Variants in ERBB4 observed in about 807,000 individuals in gnomAD.
ERBB4 encodes the protein receptor tyrosine-protein kinase erbB-4.
Under a neutral mutation model 158.0 loss-of-function variants are expected in ERBB4, and 42 were observed. The ratio of observed to expected loss-of-function variants is 0.27; its 90% CI spans 0.21 to 0.34. ERBB4 has a LOEUF of 0.34. ERBB4 is among the 10% of genes least tolerant of loss of function. ERBB4 has a pLI of 1.00. For synonymous variants in ERBB4, 583 were observed against 558.7 expected (o/e 1.04, Z -0.61); for missense variants, 1,333 against 1,624.1 (o/e 0.82, Z 3.08).
chr2:211,926,692 T>A (rs1411569506), intron 3 of ERBB4, among the ~76,000 whole-genome samples: 2 of 152,146 alleles, frequency 1.3e-5, no homozygotes, highest in East Asian at 1.9e-4. Flanking sequence ...TGTGTTTAGA[T>A]CATCTCTATC....
At chr2:211,949,875 C>T (rs931272346) in intron 2 of ERBB4, among the ~76,000 whole-genome samples, 1 of 152,188 alleles carries the variant, frequency 6.6e-6, no homozygotes, top group Non-Finnish European at 1.5e-5. Context: ...TTACCTTCTA[C>T]TACACTATAT....
At chr2:211,822,282 T>C (rs998819217) in intron 3 of ERBB4, among the ~76,000 whole-genome samples, 1 of 151,874 alleles carries the variant, frequency 6.6e-6, no homozygotes, top group Non-Finnish European at 1.5e-5. Context: ...TTAAAATAGC[T>C]AGAAGGAGAA....
intron 1 of ERBB4, among the ~76,000 whole-genome samples, chr2:212,235,370 T>TTTGG (rs2083826746): frequency 3.9e-5 from 6 of 152,208 alleles, no homozygotes; most frequent in African/African-American, 7.2e-5. Flanking sequence ...GCTGTTTTGG[T>TTTGG]TACTGTAGCT....
chr2:212,406,864 T>C (rs2091360065), intron 1 of ERBB4, among the ~76,000 whole-genome samples: 1 of 152,062 alleles, frequency 6.6e-6, no homozygotes, highest in African/African-American at 2.4e-5. Flanking sequence ...CTCCTCTTCC[T>C]CTCCACACAT....
chr2:212,485,951 G>A lies in ERBB4; in HGVS notation c.82+52498C>T, dbSNP rs188407350. Among the ~76,000 whole-genome samples the A allele has an allele frequency of 3.3e-5, 5 of 152,062 alleles. No homozygotes were observed. The East Asian group carries it at 9.7e-4, about 29-fold the overall frequency. On this transcript the variant is annotated intron_variant, in intron 1 of 27. Transcript: ENST00000342788. The stretch of plus-strand genomic sequence containing the variant: ...AAAGGCCCCATCTCCTAATACCACT[G>A]CCTCAGTAATTAGGTTTTCAACATA...
intron 2 of ERBB4, among the ~76,000 whole-genome samples, chr2:212,062,196 C>G (rs1224128107): frequency 6.6e-6 from 1 of 152,026 alleles, no homozygotes; most frequent in Non-Finnish European, 1.5e-5. Context: ...GCATATGAGA[C>G]ATAATCTGCT....
chr2:211,858,390 AT>A (rs777974911), intron 3 of ERBB4, among the ~76,000 whole-genome samples: 2 of 152,218 alleles, frequency 1.3e-5, no homozygotes, highest in Non-Finnish European at 2.9e-5. Flanking sequence ...TATTCAGTAA[AT>A]TAACTTCCCT....
intron 16 of ERBB4, among the ~76,000 whole-genome samples, chr2:211,640,473 A>C (rs2070537344): frequency 6.6e-6 from 1 of 152,178 alleles, no homozygotes; most frequent in Non-Finnish European, 1.5e-5. Flanking sequence ...TCCTTTTCCT[A>C]GATATTTTAT....
At chr2:212,078,369 C>G (rs1367541517) in intron 2 of ERBB4, among the ~76,000 whole-genome samples, 1 of 151,818 alleles carries the variant, frequency 6.6e-6, no homozygotes, top group East Asian at 1.9e-4. Flanking sequence ...TTGTTGTGCA[C>G]TATCTTTCAA....
chr2:212,033,901 G>A (rs552921273), intron 2 of ERBB4, among the ~76,000 whole-genome samples: 39 of 151,878 alleles, frequency 2.6e-4, no homozygotes, highest in African/African-American at 9.4e-4. Context: ...ATAGTATAAG[G>A]AAAATACTGA....
intron 15 of ERBB4, among the ~76,000 whole-genome samples, chr2:211,661,184 T>C (rs1574942719): frequency 1.3e-5 from 2 of 152,178 alleles, no homozygotes; most frequent in South Asian, 2.1e-4. Context: ...AAAATAAGAG[T>C]ATGACTGAAG....
chr2:212,112,528 G>A (rs2079443594), intron 2 of ERBB4, among the ~76,000 whole-genome samples: 1 of 151,814 alleles, frequency 6.6e-6, no homozygotes, highest in South Asian at 2.1e-4. Context: ...ATGGGTCATT[G>A]GTAAATAGTA....
rs974830200 is a variant in ERBB4, at chr2:211,954,849, A to C, written c.235-7233T>G. Among the ~76,000 whole-genome samples the C allele has an allele frequency of 2.0e-5, 3 of 152,226 alleles. No homozygotes were observed. The East Asian group carries it at 5.8e-4, about 29-fold the overall frequency. On this transcript the variant is annotated intron_variant, in intron 2 of 27. Coordinates refer to ENST00000342788, the MANE Select transcript of ERBB4 (RefSeq NM_005235.3). ...AATATCTAAAGCAGAAAACATTCTT[A>C]ACTATGACATAGCATGAAAAAGTTT...
rs2062490425 is a variant in ERBB4 at position 211,377,197 on chromosome 2, T to TA, written c.*6417dup. The TA allele has an allele frequency of 4.3e-6, 1 of 232,308 alleles. No individual in the cohort carries two copies. The highest frequency in any genetic ancestry group is 8.5e-6 in the Non-Finnish European group (1 of 117,440). 14.4% of individuals were successfully genotyped at this position (232,308 alleles called of 1,614,324 possible). A position where few individuals can be genotyped will look rare whatever the true frequency, so the allele number is the denominator to read the frequency against. On this transcript the variant is annotated 3_prime_UTR_variant, in exon 28 of 28. Coordinates refer to ENST00000342788, the MANE Select transcript of ERBB4 (RefSeq NM_005235.3). ...GGGAAAAGGACAACCCCCAATTAAC[T>TA]AAAAAATCTGGAAATGACATTTGAA... is the stretch of plus-strand genomic sequence containing the variant.
chr2:212,538,488 C>G lies in ERBB4; in HGVS notation c.43G>C (p.Val15Leu), dbSNP rs751515664. The G allele has an allele frequency of 6.2e-7, 1 of 1,614,104 alleles. No homozygotes were observed. Among genetic ancestry groups the G allele is most frequent in the Non-Finnish European group, 8.5e-7 (1 of 1,179,972 alleles). The change falls in exon 1 of 28, where the codon GTG becomes CTG. Residue 15 changes from valine to leucine, a missense_variant. Physicochemically the swap from Val to Leu is conservative, Grantham distance 32. This residue lies in a region of ERBB4 where 438 missense variants were observed against 586.9 expected (regional missense o/e 0.75). Coordinates refer to ENST00000342788, the MANE Select transcript of ERBB4 (RefSeq NM_005235.3). ...CTGGGCTGGACGGTCCCCGCCGCCA[C>G]GAGAAGGCTCACCCAGACCCAAAGT... Reference protein sequence around the residue: ...TGLWVWVSLLVAAGTVQPSDS... With the variant: ...TGLWVWVSLLLAAGTVQPSDS...
intron 2 of ERBB4, among the ~76,000 whole-genome samples, chr2:212,021,381 C>T (rs1166156683): frequency 2.6e-5 from 4 of 151,968 alleles, no homozygotes; most frequent in Non-Finnish European, 5.9e-5. Flanking sequence ...GCACATAGAC[C>T]AATGGAACAG....
intron 20 of ERBB4, among the ~76,000 whole-genome samples, chr2:211,437,664 G>A (rs573576969): frequency 3.9e-4 from 60 of 152,214 alleles, no homozygotes; most frequent in African/African-American, 5.3e-4. Flanking sequence ...CATCAAATAC[G>A]TGTGTGGAGC....
chr2:211,507,954 C>G (rs942445236), intron 20 of ERBB4, among the ~76,000 whole-genome samples: 1 of 152,086 alleles, frequency 6.6e-6, no homozygotes. Context: ...AAACTGGACC[C>G]TTTCCTTACA....
chr2:211,757,457 G>A (rs1038537619), intron 4 of ERBB4, among the ~76,000 whole-genome samples: 1 of 152,130 alleles, frequency 6.6e-6, no homozygotes. Flanking sequence ...AAATAAGTAC[G>A]GTTAACCTTG....
Sources: gnomAD v4.1 joint callset for allele counts (sites outside exome capture counted in the v4.1 genomes callset) on GRCh38, gnomAD v4.1.1 for gene constraint, gnomAD v4.1.1 regional missense constraint, MANE v1.5 for transcripts, NCBI Gene and HGNC (gene_info 2026-07-23, HGNC 2026-07-21) for gene names.